HS3ST4: variants seen among roughly 807,000 people sequenced by gnomAD.
The protein encoded by HS3ST4 is heparan sulfate-glucosamine 3-sulfotransferase 4.
A neutral mutation model predicts 29.2 loss-of-function variants in HS3ST4; 17 were observed. That is an observed-to-expected ratio of 0.58 (90% confidence interval 0.40 to 0.87). The LOEUF is 0.87. Among genes scored for constraint, HS3ST4 ranks in the 40% least tolerant of loss-of-function variants. HS3ST4 has a pLI of 0.00. For missense variants in HS3ST4, 627 were observed against 634.5 expected, an observed-to-expected ratio of 0.99 and a Z score of 0.13; for synonymous variants, 314 against 285.7, an observed-to-expected ratio of 1.10 and a Z score of -1.00.
chr16:25,763,759 A>G (rs550887758), intron 1 of HS3ST4, among the ~76,000 whole-genome samples: 5 of 152,362 alleles, frequency 3.3e-5, no homozygotes, highest in Admixed American at 3.3e-4. Flanking sequence ...TGAAGGCTTC[A>G]GATGCCACCA....
chr16:25,874,201 T>C (rs746021025), intron 1 of HS3ST4, among the ~76,000 whole-genome samples: 4 of 152,138 alleles, frequency 2.6e-5, no homozygotes, highest in Non-Finnish European at 4.4e-5. Flanking sequence ...AAATATTTGT[T>C]GAATTGAGTT....
chr16:25,789,444 TTCCTTCCTTCCTTCCTTCCTTCC>T (rs1567240204), intron 1 of HS3ST4, among the ~76,000 whole-genome samples: 8,128 of 71,446 alleles, frequency 0.11, 865 homozygotes, highest in African/African-American at 0.25. Flanking sequence ...CCTTCCTTCC[TTCCTTCCTTCCTTCCTTCCTTCC>T]TTCTTTCTTT....
At chr16:25,882,949 G>A (rs892823889) in intron 1 of HS3ST4, among the ~76,000 whole-genome samples, 6 of 152,184 alleles carry the variant, frequency 3.9e-5, no homozygotes, top group Middle Eastern at 3.4e-3. Context: ...TCTGACCTCT[G>A]GGAGGGTGAC....
chr16:25,730,207 G>A (rs368519836), intron 1 of HS3ST4, among the ~76,000 whole-genome samples: 11 of 152,168 alleles, frequency 7.2e-5, no homozygotes, highest in South Asian at 4.2e-4. Context: ...TCTATTTTTG[G>A]TGTTTTTCAA....
At chr16:26,046,076 T>TTTC (rs1418725724) in intron 1 of HS3ST4, among the ~76,000 whole-genome samples, 1 of 152,144 alleles carries the variant, frequency 6.6e-6, no homozygotes, top group Non-Finnish European at 1.5e-5. Context: ...TGTTTTATGA[T>TTTC]TTCTATAGCC....
At chr16:25,695,144 T>C (rs530922080) in intron 1 of HS3ST4, among the ~76,000 whole-genome samples, 18 of 152,200 alleles carry the variant, frequency 1.2e-4, no homozygotes, top group Non-Finnish European at 2.2e-4. Context: ...CAACCAATGC[T>C]TGTGGTATTT....
chr16:25,843,583 A>G (rs1967437045), intron 1 of HS3ST4, among the ~76,000 whole-genome samples: 1 of 152,190 alleles, frequency 6.6e-6, no homozygotes, highest in Admixed American at 6.5e-5. Flanking sequence ...CATTGCAGGG[A>G]AAAAGGAATG....
chr16:25,973,743 C>T (rs962700585), intron 1 of HS3ST4, among the ~76,000 whole-genome samples: 9 of 152,228 alleles, frequency 5.9e-5, no homozygotes, highest in South Asian at 4.1e-4. Flanking sequence ...GCTATTAATT[C>T]GGGACTTTTA....
intron 1 of HS3ST4, among the ~76,000 whole-genome samples, chr16:25,844,184 T>C (rs1322771080): frequency 6.6e-6 from 1 of 152,236 alleles, no homozygotes; most frequent in African/African-American, 2.4e-5. Context: ...TGGTTCACTA[T>C]CATTCTCCCT....
intron 1 of HS3ST4, among the ~76,000 whole-genome samples, chr16:25,836,095 C>A (rs935964541): frequency 5.3e-5 from 8 of 152,112 alleles, no homozygotes; most frequent in Non-Finnish European, 1.2e-4. Context: ...TCCTACCAAG[C>A]CTACAAAACG....
chr16:25,794,531 C>T (rs775545202), intron 1 of HS3ST4, among the ~76,000 whole-genome samples: 3 of 151,856 alleles, frequency 2.0e-5, no homozygotes, highest in Non-Finnish European at 2.9e-5. Flanking sequence ...TTATCTTTCC[C>T]ACCACTTTAA....
intron 1 of HS3ST4, among the ~76,000 whole-genome samples, chr16:25,986,809 G>T (rs1424329157): frequency 2.0e-5 from 3 of 152,216 alleles, no homozygotes; most frequent in African/African-American, 7.2e-5. Context: ...ATCATTAGGT[G>T]TTCCAGCCTG....
chr16:26,002,960 C>A, intron 1 of HS3ST4, among the ~76,000 whole-genome samples: 1 of 128,922 alleles, frequency 7.8e-6, no homozygotes, highest in African/African-American at 3.2e-5. Context: ...TTTTTTTTTG[C>A]CTGAAAACAA....
intron 1 of HS3ST4, among the ~76,000 whole-genome samples, chr16:26,022,121 C>T (rs111393935): frequency 5.3e-5 from 8 of 152,206 alleles, no homozygotes; most frequent in African/African-American, 1.9e-4. Context: ...TGTCACCATG[C>T]CTGGCTAGTT....
At chr16:25,932,305 C>G (rs1968472217) in intron 1 of HS3ST4, among the ~76,000 whole-genome samples, 1 of 152,136 alleles carries the variant, frequency 6.6e-6, no homozygotes, top group Admixed American at 6.5e-5. Flanking sequence ...AGGGCAAGAC[C>G]TTGTCTCATA....
At position 26,008,142 on chromosome 16, in the gene HS3ST4, A is replaced by C. The variant is rs1969275170; in HGVS notation, c.735-127470A>C. On this transcript the variant is annotated intron_variant, in intron 1 of 1. Coordinates refer to ENST00000331351, the MANE Select transcript of HS3ST4 (RefSeq NM_006040.3). ...TTTATTAGCTATACATGTACACAGG[A>C]ATCTTCAAAAGAGAGTGAAGTCTGA... is the stretch of plus-strand genomic sequence containing the variant. Among the ~76,000 whole-genome samples, 3 of 152,332 alleles carry C rather than the reference A, an allele frequency of 2.0e-5. 1 individual carries two copies. The South Asian group carries it at 6.2e-4, about 32-fold the overall frequency.
chr16:25,853,611 A>C (rs1330763569), intron 1 of HS3ST4, among the ~76,000 whole-genome samples: 1 of 152,170 alleles, frequency 6.6e-6, no homozygotes, highest in Non-Finnish European at 1.5e-5. Flanking sequence ...TTATCATGAA[A>C]GGATGTAGAG....
intron 1 of HS3ST4, among the ~76,000 whole-genome samples, chr16:25,763,201 T>C (rs1966799393): frequency 6.6e-6 from 1 of 152,044 alleles, no homozygotes; most frequent in African/African-American, 2.4e-5. Context: ...GGTCTAAGAG[T>C]TATGGCAGGA....
intron 1 of HS3ST4, among the ~76,000 whole-genome samples, chr16:26,039,303 G>A (rs73514508): frequency 0.016 from 2,490 of 152,200 alleles, 61 homozygotes; most frequent in African/African-American, 0.055. Context: ...AATCTTGCCT[G>A]GGAATTTACA....
Sources: allele counts gnomAD v4.1 joint callset (sites outside exome capture counted in the v4.1 genomes callset), GRCh38; gene constraint gnomAD v4.1.1; transcripts MANE v1.5; gene names NCBI Gene and HGNC (gene_info 2026-07-23, HGNC 2026-07-21).